CYB5R2: variants seen among roughly 807,000 people sequenced by gnomAD.
CYB5R2 encodes the protein NADH-cytochrome b5 reductase 2.
CYB5R2 carries 35 observed loss-of-function variants against 29.8 expected under a neutral mutation model. That is an observed-to-expected ratio of 1.17 (90% CI 0.90 to 1.56). CYB5R2 has a LOEUF of 1.56. CYB5R2 is among the 40% of genes most tolerant of loss of function. The pLI is 0.00. For synonymous variants in CYB5R2, 169 were observed against 130.6 expected (o/e 1.29, Z -2.01); for missense variants, 419 against 346.7 (o/e 1.21, Z -1.66).
In CYB5R2 at chr11:7,665,470, G is replaced by T; in HGVS notation, c.735C>A (p.Leu245=). 6.2e-7 allele frequency: 1 copy of T among 1,613,972 alleles called. No individual in the cohort carries two copies. Among genetic ancestry groups the T allele is most frequent in the Non-Finnish European group, 8.5e-7 (1 of 1,179,944 alleles). Residue 245 remains leucine, a synonymous_variant, in exon 9 of 9, where the codon CTC becomes CTA. Transcript: ENST00000299498. The part of the protein sequence containing the change: ...EHLPPPAKST[L]ILVCGPPPLI... Reference sequence around the variant, plus strand: ...GTGGTGGCGGGCCACACACCAGGATGAGCGTGGACTTCGCTGGAGGAGGAA... The same window carrying T: ...GTGGTGGCGGGCCACACACCAGGATTAGCGTGGACTTCGCTGGAGGAGGAA...
intron 3 of CYB5R2, chr11:7,670,579 T>C (rs1332666055): frequency 1.3e-5 from 2 of 152,226 alleles, no homozygotes; most frequent in Non-Finnish European, 2.9e-5. Context: ...CAATATCATG[T>C]CTTCCTGGCC....
rs373643933 is a variant in CYB5R2 at position 7,672,788 on chromosome 11, T to A, written c.38A>T (p.Asp13Val). 2.5e-5 allele frequency: 41 copies of A among 1,614,046 alleles called. No individual in the cohort carries two copies. Among genetic ancestry groups the A allele is most frequent in the Admixed American group, 3.3e-5 (2 of 60,004 alleles). Residue 13 changes from aspartate to valine, a missense_variant, in exon 2 of 9, where the codon GAC becomes GTC. Coordinates refer to ENST00000299498, the MANE Select transcript of CYB5R2 (RefSeq NM_016229.5). ...SRRREPITLQDPEAKYPLPLI... is the reference protein window; with the variant it reads ...SRRREPITLQVPEAKYPLPLI... ...GGGCAGCGGGTACTTGGCTTCAGGG[T>A]CCTGTAAGGTGATTGGCTCTCTCCT...
At chr11:7,670,485 C>T (rs1212070153) in intron 3 of CYB5R2, 1 of 152,282 alleles carries the variant, frequency 6.6e-6, no homozygotes, top group East Asian at 1.9e-4. Flanking sequence ...CCATCTGTAT[C>T]CTGGTACTAG....
In CYB5R2 at chr11:7,665,383, G is replaced by A. The variant is rs184661447; in HGVS notation, c.822C>T (p.Phe274=). ...TGAGCACGTGGAGGTGTTAGTAGGTGAAAATCATGTCCTGGGTATAACCCA... is the reference window on the plus strand; with the variant it reads ...TGAGCACGTGGAGGTGTTAGTAGGTAAAAATCATGTCCTGGGTATAACCCA... ...EKLGYTQDMI[F]TY The change falls in exon 9 of 9, where the codon TTC becomes TTT. Residue 274 remains phenylalanine (F), a synonymous_variant. Coordinates refer to ENST00000299498, the MANE Select transcript of CYB5R2 (RefSeq NM_016229.5). The A allele has an allele frequency of 3.5e-5, 55 of 1,570,186 alleles. No individual in the cohort carries two copies. The African/African-American group carries it at 5.9e-4, about 17-fold the overall frequency.
intron 8 of CYB5R2, chr11:7,665,984 C>T (rs113239745): frequency 0.021 from 28,578 of 1,384,020 alleles, 1,086 homozygotes; most frequent in African/African-American, 0.13. Context: ...GAGAGGCGCG[C>T]CTGTGGGGTG....
rs1172221673 is a variant in CYB5R2 at position 7,669,362 on chromosome 11, C to T, written c.259-28G>A. 4 of 1,590,618 alleles carry T rather than the reference C, an allele frequency of 2.5e-6. No individual in the cohort carries two copies. The African/African-American group carries it at 5.4e-5, about 21-fold the overall frequency. On this transcript the variant is annotated intron_variant, in intron 4 of 8. Coordinates refer to ENST00000299498, the MANE Select transcript of CYB5R2 (RefSeq NM_016229.5). ...GAAAAGCAAGGCAGCACTGCTTTCA[C>T]ATTCCCAGACACAATGCCACAGCCA... is the stretch of plus-strand genomic sequence containing the variant.
chr11:7,669,379 C>T (rs756749128), intron 4 of CYB5R2, 45 bp from the exon 5 acceptor site: 3 of 1,576,532 alleles, frequency 1.9e-6, no homozygotes, highest in Non-Finnish European at 2.6e-6. Flanking sequence ...AGACACAATG[C>T]CACAGCCACG....
At chr11:7,670,972 A>T (rs1293227760) in intron 3 of CYB5R2, 1 of 152,434 alleles carries the variant, frequency 6.6e-6, no homozygotes, top group African/African-American at 2.4e-5. Flanking sequence ...AGATGGATAG[A>T]AACCAAGACC....
intron 7 of CYB5R2, 42 bp from the exon 8 acceptor site, chr11:7,666,592 C>G: frequency 7.1e-7 from 1 of 1,415,940 alleles, no homozygotes; most frequent in Non-Finnish European, 1.0e-6. Flanking sequence ...CCAGGGCCAT[C>G]CTCTTGTTCC....
Position 7,669,347 on chromosome 11 carries a change from G to C in CYB5R2, c.259-13C>G. ...TTTTGAAGTAGATCTGAAAAGCAAG[G>C]CAGCACTGCTTTCACATTCCCAGAC... On this transcript the variant is annotated splice_polypyrimidine_tract_variant and intron_variant, in intron 4 of 8. Coordinates refer to ENST00000299498, the MANE Select transcript of CYB5R2 (RefSeq NM_016229.5). 6.2e-7 allele frequency: 1 copy of C among 1,603,176 alleles called. No individual in the cohort carries two copies. The highest frequency in any genetic ancestry group is 8.5e-7 in the Non-Finnish European group (1 of 1,174,306).
intron 8 of CYB5R2, chr11:7,665,855 G>A (rs1471809840): frequency 4.6e-6 from 7 of 1,536,080 alleles, no homozygotes; most frequent in Non-Finnish European, 6.1e-6. Context: ...ACAGCCAGCT[G>A]GAGTTGTCCG....
At chr11:7,673,616 C>T (rs1855898498), upstream of CYB5R2, 2 of 985,336 alleles carry the variant, frequency 2.0e-6, no homozygotes, top group South Asian at 4.7e-5. Context: ...CGTTCGTTCC[C>T]GGCTCTAGCC....
At position 7,666,444 on chromosome 11, in the gene CYB5R2, G is replaced by A. The variant is rs750284551; in HGVS notation, c.658+7C>T. On this transcript the variant is annotated splice_region_variant and intron_variant, in intron 8 of 8. Transcript: ENST00000299498. ...CCCATGGTGAGTGAGGGCAATGGATGTCGTACCAATGGGAGGCCTGTCCAG... is the reference window on the plus strand; with the variant it reads ...CCCATGGTGAGTGAGGGCAATGGATATCGTACCAATGGGAGGCCTGTCCAG... The A allele has an allele frequency of 1.9e-6, 3 of 1,589,592 alleles. No individual in the cohort carries two copies. Among genetic ancestry groups the A allele is most frequent in the African/African-American group, 1.3e-5 (1 of 74,314 alleles).
intron 1 of CYB5R2, 41 bp from the exon 2 acceptor site, chr11:7,672,932 C>T (rs759114840): frequency 1.2e-5 from 19 of 1,576,674 alleles, no homozygotes; most frequent in African/African-American, 2.7e-5. Context: ...AGGTCTTGCC[C>T]GCCCTGGACA....
At position 7,669,485 on chromosome 11, in the gene CYB5R2, CA is replaced by C. The variant is rs565415073; in HGVS notation, c.258+139del. On this transcript the variant is annotated intron_variant, in intron 4 of 8. Coordinates refer to ENST00000299498, the MANE Select transcript of CYB5R2 (RefSeq NM_016229.5). ...GCAATCCCTGAAGATGAAGCTGCCA[CA>C]AGGTTAACTGTAGCTTCACTGCTGG... The C allele has an allele frequency of 3.7e-4, 452 of 1,234,726 alleles. 4 individuals carry two copies. In the African/African-American group the frequency reaches 6.1e-3, roughly 17 times the overall value. 76.5% of individuals were successfully genotyped at this position (1,234,726 alleles called of 1,614,324 possible). A position where few individuals can be genotyped will look rare whatever the true frequency, so the allele number is the denominator to read the frequency against.
chr11:7,674,111 C>CTTA, upstream of CYB5R2: 1 of 1,208,014 alleles, frequency 8.3e-7, no homozygotes, highest in Non-Finnish European at 1.1e-6. Flanking sequence ...CCTCAGCTTA[C>CTTA]TTAAGCTCGG....
intron 6 of CYB5R2, 113 bp downstream of exon 6, chr11:7,668,365 T>C (rs571816307): frequency 2.3e-6 from 2 of 855,652 alleles, no homozygotes. Context: ...GTTCCCACCT[T>C]CTACAGCTGG....
intron 3 of CYB5R2, 89 bp downstream of exon 3, chr11:7,672,362 C>A: frequency 8.6e-7 from 1 of 1,163,782 alleles, no homozygotes; most frequent in Non-Finnish European, 1.3e-6. Context: ...TTCCACACCT[C>A]AGGACGTGGG....
rs115969966 is a variant in CYB5R2, at chr11:7,673,001, G to A, written c.-66-110C>T. 5 of 1,077,114 alleles carry A rather than the reference G, an allele frequency of 4.6e-6. No homozygotes were observed. The East Asian group carries it at 1.1e-4, about 23-fold the overall frequency. 66.7% of individuals were successfully genotyped at this position (1,077,114 alleles called of 1,614,324 possible). On this transcript the variant is annotated intron_variant, in intron 1 of 8. Coordinates refer to ENST00000299498, the MANE Select transcript of CYB5R2 (RefSeq NM_016229.5). ...ACCAAAGGCACAGGAGCTGAGCTCT[G>A]CCTGCAGGAAATAGGCAAAGAGAAC... is the stretch of plus-strand genomic sequence containing the variant.
Sources: gnomAD v4.1 joint callset for allele counts on GRCh38, gnomAD v4.1.1 for gene constraint, MANE v1.5 for transcripts, NCBI Gene and HGNC (gene_info 2026-07-23, HGNC 2026-07-21) for gene names.